Variants in RAB9A observed in about 807,000 individuals in gnomAD.
RAB9A encodes the protein RAB9A, member RAS oncogene family.
Under a neutral mutation model 10.3 loss-of-function variants are expected in RAB9A, and 1 was observed. That is an observed-to-expected ratio of 0.10 (90% CI 0.03 to 0.46). The LOEUF (loss-of-function observed/expected upper bound fraction) is 0.46. Ranked by LOEUF, RAB9A falls within the 20% of genes least tolerant of loss-of-function variation. RAB9A has a pLI of 0.96. For synonymous variants in RAB9A, 39 were observed against 55.2 expected (o/e 0.71, Z 1.30); for missense variants, 92 against 150.3 (o/e 0.61, Z 2.03).
At chrX:13,695,467 C>T (rs1468716235) in intron 1 of RAB9A, among the ~76,000 whole-genome samples, 1 of 111,757 alleles carries the variant, frequency 8.9e-6, no homozygotes, top group Non-Finnish European at 1.9e-5. Flanking sequence ...TTTTAAGGTG[C>T]TATATGCCAG....
At chrX:13,696,080 T>C (rs758903957) in intron 1 of RAB9A, among the ~76,000 whole-genome samples, 1 of 110,200 alleles carries the variant, frequency 9.1e-6, no homozygotes, top group South Asian at 3.9e-4. Flanking sequence ...GTAAGACACT[T>C]TCCCAGTTAG....
intron 1 of RAB9A, among the ~76,000 whole-genome samples, chrX:13,692,172 C>G (rs1056543245): frequency 9.0e-6 from 1 of 110,579 alleles, no homozygotes; most frequent in African/African-American, 3.3e-5. Context: ...ATTAGCCTAG[C>G]TCAGTGTGGT....
At chrX:13,706,080 C>T (rs1364442526) in intron 2 of RAB9A, among the ~76,000 whole-genome samples, 1 of 111,792 alleles carries the variant, frequency 8.9e-6, no homozygotes, top group Non-Finnish European at 1.9e-5. Context: ...TCTGAGGAGA[C>T]ATTAGATAGA....
At chrX:13,701,902 T>C (rs889648082) in intron 1 of RAB9A, among the ~76,000 whole-genome samples, 1 of 111,470 alleles carries the variant, frequency 9.0e-6, no homozygotes, top group Non-Finnish European at 1.9e-5. Flanking sequence ...AGAGGGATCA[T>C]AGCAGCATCC....
chrX:13,709,297 A>C lies in RAB9A; in HGVS notation c.551A>C (p.Gln184Pro). ...ATEDRSDHLIQTDTVNLHRKP... is the reference protein window; with the variant it reads ...ATEDRSDHLIPTDTVNLHRKP... ...GAGGATAGGTCAGATCATTTGATTC[A>C]GACAGACACAGTCAATCTTCACCGA... is the stretch of plus-strand genomic sequence containing the variant. The change falls in exon 3 of 3, where the codon CAG becomes CCG. Residue 184 changes from glutamine to proline, a missense_variant. Physicochemically the swap from Gln to Pro is moderately conservative, Grantham distance 76 (BLOSUM62 -1). Coordinates refer to ENST00000464506, the MANE Select transcript of RAB9A (RefSeq NM_004251.5). The C allele has an allele frequency of 8.3e-7, 1 of 1,209,149 alleles. No individual in the cohort carries two copies. Among genetic ancestry groups the C allele is most frequent in the Non-Finnish European group, 1.1e-6 (1 of 894,114 alleles).
rs768282463 is a variant in RAB9A at position 13,689,301 on chromosome X, C to T, written c.-116+13C>T. Reference sequence around the variant, plus strand: ...GTGTGGCCGCGAGGTGAGCGGGACTCGGGACTCCTTCGGGACCGGGCGGAG... The same window carrying T: ...GTGTGGCCGCGAGGTGAGCGGGACTTGGGACTCCTTCGGGACCGGGCGGAG... On this transcript the variant is annotated intron_variant, in intron 1 of 2. Transcript: ENST00000464506. 1.8e-5 allele frequency: 2 copies of T among 112,784 alleles called. No homozygotes were observed. Among genetic ancestry groups the T allele is most frequent in the South Asian group, 3.6e-4 (1 of 2,747 alleles). 9.3% of individuals were successfully genotyped at this position (112,784 alleles called of 1,213,427 possible).
chrX:13,691,659 C>CAAAAAAAAAA (rs765886332), intron 1 of RAB9A, among the ~76,000 whole-genome samples: 2 of 15,924 alleles, frequency 1.3e-4, no homozygotes, highest in Admixed American at 1.1e-3. Flanking sequence ...GACTCCATCT[C>CAAAAAAAAAA]AAAAAAAAAA....
intron 1 of RAB9A, among the ~76,000 whole-genome samples, chrX:13,700,132 A>G (rs1274331623): frequency 1.8e-5 from 2 of 111,537 alleles, no homozygotes; most frequent in African/African-American, 6.5e-5. Context: ...TATTTTTTGT[A>G]GAGATGGGGT....
In RAB9A at chrX:13,709,412, A is replaced by T. The variant is rs1168440561; in HGVS notation, c.*60A>T. ...ACATATACACAAAATCAACATGGGGATGGAGAAGAGAATTAGCGTTTGCAG... is the reference window on the plus strand; with the variant it reads ...ACATATACACAAAATCAACATGGGGTTGGAGAAGAGAATTAGCGTTTGCAG... On this transcript the variant is annotated 3_prime_UTR_variant, in exon 3 of 3. Coordinates refer to ENST00000464506, the MANE Select transcript of RAB9A (RefSeq NM_004251.5). The T allele has an allele frequency of 1.8e-6, 2 of 1,111,569 alleles. No individual in the cohort carries two copies. The highest frequency in any genetic ancestry group is 5.7e-5 in the Admixed American group (2 of 35,030). 91.6% of individuals were successfully genotyped at this position (1,111,569 alleles called of 1,213,427 possible). A position where few individuals can be genotyped will look rare whatever the true frequency, so the allele number is the denominator to read the frequency against.
chrX:13,700,946 A>AT (rs1173894351), intron 1 of RAB9A, among the ~76,000 whole-genome samples: 1 of 110,570 alleles, frequency 9.0e-6, no homozygotes, highest in Non-Finnish European at 1.9e-5. Flanking sequence ...TAATTTTTGT[A>AT]TTTTTTGTAG....
At chrX:13,696,951 G>A (rs755821437) in intron 1 of RAB9A, among the ~76,000 whole-genome samples, 1 of 112,059 alleles carries the variant, frequency 8.9e-6, no homozygotes, top group African/African-American at 3.2e-5. Context: ...GTGTTGAGCT[G>A]GTGACAACTT....
At chrX:13,699,328 A>G (rs908198592) in intron 1 of RAB9A, among the ~76,000 whole-genome samples, 6 of 112,320 alleles carry the variant, frequency 5.3e-5, no homozygotes, top group Non-Finnish European at 1.1e-4. Flanking sequence ...ATAGAATAAT[A>G]ATAGAATAAC....
rs752821725 is a variant in RAB9A at position 13,696,024 on chromosome X, G to T, written c.-116+6736G>T. Among the ~76,000 whole-genome samples, 18 of 111,312 alleles carry T rather than the reference G, an allele frequency of 1.6e-4. No individual in the cohort carries two copies. The South Asian group carries it at 4.2e-3, about 26-fold the overall frequency. On this transcript the variant is annotated intron_variant, in intron 1 of 2. Coordinates refer to ENST00000464506, the MANE Select transcript of RAB9A (RefSeq NM_004251.5). ...GTAATGGGTGGTAAGTCCTGGCTCA[G>T]ACTTGAAGGTCTCCCCTGTGCCTCT...
intron 1 of RAB9A, among the ~76,000 whole-genome samples, chrX:13,692,461 C>A (rs2046130185): frequency 8.9e-6 from 1 of 112,455 alleles, no homozygotes; most frequent in Non-Finnish European, 1.9e-5. Context: ...TGAATATTTA[C>A]AAGAATCAAA....
intron 1 of RAB9A, among the ~76,000 whole-genome samples, chrX:13,699,206 G>A (rs1452904160): frequency 8.9e-6 from 1 of 111,753 alleles, no homozygotes; most frequent in African/African-American, 3.3e-5. Flanking sequence ...CATTGGGATT[G>A]CAAGTAAGAA....
chrX:13,704,698 T>C (rs2046190020), intron 2 of RAB9A, among the ~76,000 whole-genome samples: 2 of 107,756 alleles, frequency 1.9e-5, no homozygotes, highest in South Asian at 8.4e-4. Context: ...CACTGCAACC[T>C]CCACCTCTCA....
chrX:13,699,176 T>G (rs998894352), intron 1 of RAB9A, among the ~76,000 whole-genome samples: 2 of 111,681 alleles, frequency 1.8e-5, no homozygotes, highest in Non-Finnish European at 3.8e-5. Flanking sequence ...TCAATAGTAC[T>G]TATTTTAAAG....
At chrX:13,696,829 C>T (rs1331869341) in intron 1 of RAB9A, among the ~76,000 whole-genome samples, 2 of 111,616 alleles carry the variant, frequency 1.8e-5, no homozygotes, top group East Asian at 2.8e-4. Flanking sequence ...GCTTGGAAAG[C>T]TTTTTGTGAG....
chrX:13,698,060 C>T (rs1039439830), intron 1 of RAB9A, among the ~76,000 whole-genome samples: 4 of 111,480 alleles, frequency 3.6e-5, no homozygotes, highest in Non-Finnish European at 7.5e-5. Context: ...TAGTGGCTAC[C>T]ATATTGGACA....
Sources: allele counts gnomAD v4.1 joint callset (sites outside exome capture counted in the v4.1 genomes callset), GRCh38; gene constraint gnomAD v4.1.1; transcripts MANE v1.5; gene names NCBI Gene and HGNC (gene_info 2026-07-23, HGNC 2026-07-21).